Variants in BDP1 observed in about 807,000 individuals in gnomAD.
BDP1 encodes BDP1 general transcription factor IIIB subunit.
A neutral mutation model predicts 266.6 loss-of-function variants in BDP1; 169 were observed. The ratio of observed to expected loss-of-function variants is 0.63; its 90% CI spans 0.56 to 0.72. BDP1 has a LOEUF of 0.72. BDP1 is among the 30% of genes least tolerant of loss of function. BDP1 has a pLI of 0.00. For synonymous variants in BDP1, 1,090 were observed against 1,022.4 expected, an observed-to-expected ratio of 1.07 and a Z score of -1.26; for missense variants, 3,015 against 3,053.8, an observed-to-expected ratio of 0.99 and a Z score of 0.30.
At chr5:71,529,696 C>T (rs1245981156) in intron 25 of BDP1, among the ~76,000 whole-genome samples, 1 of 152,034 alleles carries the variant, frequency 6.6e-6, no homozygotes, top group Non-Finnish European at 1.5e-5. Context: ...AGCTTTGAAG[C>T]ACAATGGAAT....
chr5:71,553,049 C>CT (rs910309854), intron 34 of BDP1, 67 bp from the exon 35 acceptor site: 4 of 1,305,474 alleles, frequency 3.1e-6, no homozygotes, highest in Non-Finnish European at 4.2e-6. Context: ...TTCTAGGATC[C>CT]TTTAAAAAAA....
intron 32 of BDP1, among the ~76,000 whole-genome samples, chr5:71,548,002 G>C (rs1039046076): frequency 1.3e-5 from 2 of 152,078 alleles, no homozygotes; most frequent in African/African-American, 4.8e-5. Flanking sequence ...AGCAGTAGAA[G>C]CCCGGCATAG....
chr5:71,513,402 C>A lies in BDP1; in HGVS notation c.4465C>A (p.Gln1489Lys). The A allele has an allele frequency of 1.3e-6, 2 of 1,541,256 alleles. No individual in the cohort carries two copies. Among genetic ancestry groups the A allele is most frequent in the Non-Finnish European group, 1.8e-6 (2 of 1,138,098 alleles). The stretch of plus-strand genomic sequence containing the variant: ...TGAACAAACTGATACTCTCCCTTCT[C>A]AACATGTGAGTGTATTTGAGATGGA... ...NNEQTDTLPS[Q>K]HDEASLMISR... The change falls in exon 19 of 39, where the codon CAA becomes AAA. Residue 1489 changes from glutamine (Q) to lysine (K), a missense_variant. This residue lies in a region of BDP1 where 2,383 missense variants were observed against 2,404.9 expected (regional missense o/e 0.99). Transcript: ENST00000358731.
intron 9 of BDP1, among the ~76,000 whole-genome samples, chr5:71,487,345 C>CA (rs1409715273): frequency 1.3e-5 from 2 of 152,134 alleles, no homozygotes; most frequent in East Asian, 3.9e-4. Context: ...GGGTTCACGC[C>CA]ATTCTCCTGC....
Position 71,456,030 on chromosome 5 carries a change from A to G in BDP1, c.153A>G (p.Thr51=). 6.2e-7 allele frequency: 1 copy of G among 1,613,542 alleles called. No homozygotes were observed. Among genetic ancestry groups the G allele is most frequent in the Non-Finnish European group, 8.5e-7 (1 of 1,180,028 alleles). ...TDSASKPAEP[T]DVPTVDFGGA... Reference sequence around the variant, plus strand: ...CTGCTTCCAAGCCCGCGGAGCCCACAGATGTGCCCACAGTCGATTTCGGTG... The same window carrying G: ...CTGCTTCCAAGCCCGCGGAGCCCACGGATGTGCCCACAGTCGATTTCGGTG... Residue 51 remains threonine, a synonymous_variant, in exon 1 of 39, where the codon ACA becomes ACG. Coordinates refer to ENST00000358731, the MANE Select transcript of BDP1 (RefSeq NM_018429.3).
intron 13 of BDP1, among the ~76,000 whole-genome samples, chr5:71,501,012 A>T (rs763082338): frequency 4.6e-5 from 7 of 151,460 alleles, no homozygotes; most frequent in Non-Finnish European, 1.0e-4. Flanking sequence ...TGGGAGGATC[A>T]CCTGAGCCTT....
downstream of BDP1, among the ~76,000 whole-genome samples, chr5:71,570,779 T>C (rs1053034213): frequency 6.6e-6 from 1 of 152,210 alleles, no homozygotes; most frequent in Admixed American, 6.5e-5. Context: ...ACAACCATCA[T>C]AGTGGCTGCA....
At chr5:71,549,893 T>C (rs776193671) in intron 34 of BDP1, among the ~76,000 whole-genome samples, 4 of 152,226 alleles carry the variant, frequency 2.6e-5, no homozygotes, top group Non-Finnish European at 5.9e-5. Context: ...CTGTTAAAAG[T>C]GTGGTTACTT....
intron 8 of BDP1, among the ~76,000 whole-genome samples, chr5:71,485,925 A>T (rs995819393): frequency 6.6e-6 from 1 of 152,180 alleles, no homozygotes; most frequent in Non-Finnish European, 1.5e-5. Context: ...ATGCCTGTGT[A>T]ATCACTACCC....
chr5:71,492,841 G>T (rs1484437904), intron 11 of BDP1, among the ~76,000 whole-genome samples: 1 of 152,110 alleles, frequency 6.6e-6, no homozygotes, highest in Non-Finnish European at 1.5e-5. Context: ...CTATTTTTAA[G>T]CATACAATTT....
At chr5:71,459,604 A>G (rs554050337) in intron 2 of BDP1, among the ~76,000 whole-genome samples, 27 of 152,338 alleles carry the variant, frequency 1.8e-4, no homozygotes, top group South Asian at 6.2e-4. Context: ...TGTGTTATGC[A>G]TATATTAGAG....
At chr5:71,498,037 G>C (rs979693410) in intron 13 of BDP1, among the ~76,000 whole-genome samples, 9 of 151,502 alleles carry the variant, frequency 5.9e-5, no homozygotes, top group African/African-American at 1.7e-4. Context: ...TACAAGCTCT[G>C]CCTCCCAGGT....
intron 22 of BDP1, among the ~76,000 whole-genome samples, chr5:71,521,973 G>A (rs1765518683): frequency 6.7e-6 from 1 of 150,000 alleles, no homozygotes; most frequent in Non-Finnish European, 1.5e-5. Context: ...TTTTTTTTTG[G>A]TATCCTGTGA....
intron 38 of BDP1, chr5:71,563,013 C>T (rs1435406689): frequency 9.1e-6 from 5 of 547,410 alleles, no homozygotes; most frequent in African/African-American, 3.9e-5. Flanking sequence ...CAGCATGAGC[C>T]TTTGGAAGGG....
intron 2 of BDP1, among the ~76,000 whole-genome samples, chr5:71,459,844 A>C (rs1184384115): frequency 1.3e-5 from 2 of 152,186 alleles, no homozygotes; most frequent in Non-Finnish European, 2.9e-5. Context: ...CAAAGTCTAA[A>C]ATGTTTTGAG....
At position 71,554,589 on chromosome 5, in the gene BDP1, A is replaced by G. The variant is rs545631211; in HGVS notation, c.7200+1269A>G. On this transcript the variant is annotated intron_variant, in intron 35 of 38. Coordinates refer to ENST00000358731, the MANE Select transcript of BDP1 (RefSeq NM_018429.3). The stretch of plus-strand genomic sequence containing the variant: ...TTGTTTTGTTTTAAAAATATCTTTA[A>G]TGACATGGACAAAAGACCATAGTAC... Among the ~76,000 whole-genome samples, 6 of 152,318 alleles carry G rather than the reference A, an allele frequency of 3.9e-5. No homozygotes were observed. The South Asian group carries it at 1.2e-3, about 32-fold the overall frequency.
In BDP1 at chr5:71,567,268, T is replaced by C. The variant is rs1256689080; in HGVS notation, c.*2383T>C. 2.0e-5 allele frequency: 3 copies of C among 152,246 alleles called. No homozygotes were observed. Among genetic ancestry groups the C allele is most frequent in the Non-Finnish European group, 4.4e-5 (3 of 68,038 alleles). The allele number at this position is 152,246 out of a possible 1,614,324, so 9.4% of individuals were successfully genotyped here. ...AATATTAGTTTTTAACTTTAACATC[T>C]GTTTCTTTTTAATCTATAATGAGCT... On this transcript the variant is annotated 3_prime_UTR_variant, in exon 39 of 39. Coordinates refer to ENST00000358731, the MANE Select transcript of BDP1 (RefSeq NM_018429.3).
chr5:71,565,708 A>G lies in BDP1; in HGVS notation c.*823A>G. 6.5e-6 allele frequency: 1 copy of G among 153,734 alleles called. No individual in the cohort carries two copies. Among genetic ancestry groups the G allele is most frequent in the South Asian group, 2.0e-4 (1 of 5,054 alleles). 9.5% of individuals were successfully genotyped at this position (153,734 alleles called of 1,614,324 possible). A position where few individuals can be genotyped will look rare whatever the true frequency, so the allele number is the denominator to read the frequency against. On this transcript the variant is annotated 3_prime_UTR_variant, in exon 39 of 39. Coordinates refer to ENST00000358731, the MANE Select transcript of BDP1 (RefSeq NM_018429.3). ...TAACAAGGCAATTCTTAGAACATGT[A>G]GTTAAGGGACACGTGACTATATGTG...
At position 71,522,325 on chromosome 5, in the gene BDP1, A is replaced by G; in HGVS notation, c.5028A>G (p.Gln1676=). 6.2e-7 allele frequency: 1 copy of G among 1,613,990 alleles called. No homozygotes were observed. Among genetic ancestry groups the G allele is most frequent in the Non-Finnish European group, 8.5e-7 (1 of 1,179,954 alleles). Residue 1676 remains glutamine (Q), a synonymous_variant, in exon 23 of 39, where the codon CAA becomes CAG. Coordinates refer to ENST00000358731, the MANE Select transcript of BDP1 (RefSeq NM_018429.3). ...AACCGTATGTTCCTAGTTCAGCACAAATGACAAGAAGGAAATTCCAAAAGG... is the reference window on the plus strand; with the variant it reads ...AACCGTATGTTCCTAGTTCAGCACAGATGACAAGAAGGAAATTCCAAAAGG... ...ENKPYVPSSA[Q]MTRRKFQKAK...
Sources: gnomAD v4.1 joint callset for allele counts (sites outside exome capture counted in the v4.1 genomes callset) on GRCh38, gnomAD v4.1.1 for gene constraint, gnomAD v4.1.1 regional missense constraint, MANE v1.5 for transcripts, NCBI Gene and HGNC (gene_info 2026-07-23, HGNC 2026-07-21) for gene names.